The following ZDHHC2 variants were observed in gnomAD, a reference collection of about 807,000 sequenced individuals.
The protein encoded by ZDHHC2 is zDHHC palmitoyltransferase 2.
A neutral mutation model predicts 55.6 loss-of-function variants in ZDHHC2; 51 were observed. The ratio of observed to expected loss-of-function variants is 0.92; its 90% CI spans 0.73 to 1.16. The LOEUF is 1.16. Among genes scored for constraint, ZDHHC2 ranks in the 50% most tolerant of loss-of-function variants. ZDHHC2 has a pLI of 0.00. For synonymous variants in ZDHHC2, 199 were observed against 152.9 expected (o/e 1.30, Z -2.22); for missense variants, 491 against 442.4 (o/e 1.11, Z -0.99).
chr8:17,196,332 C>T (rs969260018), intron 4 of ZDHHC2, among the ~76,000 whole-genome samples: 1 of 152,044 alleles, frequency 6.6e-6, no homozygotes, highest in Non-Finnish European at 1.5e-5. Flanking sequence ...TTCAAACTGA[C>T]ATGTGCTCTA....
chr8:17,215,699 AG>A (rs1350685802), intron 11 of ZDHHC2, among the ~76,000 whole-genome samples: 1 of 152,216 alleles, frequency 6.6e-6, no homozygotes, highest in African/African-American at 2.4e-5. Flanking sequence ...TCTACTGAAA[AG>A]GACCTTAAAT....
intron 1 of ZDHHC2, among the ~76,000 whole-genome samples, chr8:17,184,495 C>G (rs1805604870): frequency 6.6e-6 from 1 of 152,186 alleles, no homozygotes; most frequent in Non-Finnish European, 1.5e-5. Context: ...ACCAGTCAAC[C>G]AAATGATACA....
chr8:17,165,903 T>G (rs895288969), intron 1 of ZDHHC2, among the ~76,000 whole-genome samples: 2 of 152,192 alleles, frequency 1.3e-5, no homozygotes, highest in Non-Finnish European at 1.5e-5. Context: ...CAGGGGAGTT[T>G]GATTTACAAG....
chr8:17,158,797 CAATGCCTGTCTGCCTGGCGT>C (rs546477069), intron 1 of ZDHHC2, among the ~76,000 whole-genome samples: 1,801 of 152,202 alleles, frequency 0.012, 42 homozygotes, highest in African/African-American at 0.041. Context: ...CTGCCTGGCG[CAATGCCTGTCTGCCTGGCGT>C]AATGCCTGTC....
rs1806267817 is a variant in ZDHHC2 at position 17,195,622 on chromosome 8, G to A, written c.371G>A (p.Gly124Glu). 2.5e-6 allele frequency: 4 copies of A among 1,613,728 alleles called. No homozygotes were observed. The highest frequency in any genetic ancestry group is 3.4e-6 in the Non-Finnish European group (4 of 1,179,712). The change falls in exon 4 of 13, where the codon GGA becomes GAA. Residue 124 changes from glycine to glutamate, a missense_variant and splice_region_variant. Coordinates refer to ENST00000262096, the MANE Select transcript of ZDHHC2 (RefSeq NM_016353.5). ...DLPIYTRTMS[G>E]AIRYCDRCQL... ...CCCATCTATACCAGGACCATGTCTG[G>A]AGGTAAATGTTGATAATGAGTGCTT...
intron 2 of ZDHHC2, among the ~76,000 whole-genome samples, chr8:17,185,584 T>C (rs1429785649): frequency 6.6e-6 from 1 of 152,006 alleles, no homozygotes; most frequent in Non-Finnish European, 1.5e-5. Context: ...GTAGGAGGAT[T>C]GCTTGAGCCC....
At chr8:17,157,898 A>G (rs1470206080) in intron 1 of ZDHHC2, among the ~76,000 whole-genome samples, 1 of 152,210 alleles carries the variant, frequency 6.6e-6, no homozygotes, top group Non-Finnish European at 1.5e-5. Flanking sequence ...AGCATTTTCA[A>G]AGCCTCAAGA....
chr8:17,209,240 C>G (rs751029723), intron 8 of ZDHHC2, among the ~76,000 whole-genome samples: 7 of 152,128 alleles, frequency 4.6e-5, no homozygotes, highest in Non-Finnish European at 1.0e-4. Context: ...ATACATGGTT[C>G]TGGACTGGAT....
intron 3 of ZDHHC2, among the ~76,000 whole-genome samples, chr8:17,192,846 G>C (rs1235420364): frequency 1.3e-5 from 2 of 152,198 alleles, no homozygotes; most frequent in Non-Finnish European, 2.9e-5. Flanking sequence ...TGGATATCTA[G>C]TTTCCCCAGC....
intron 6 of ZDHHC2, among the ~76,000 whole-genome samples, chr8:17,203,933 G>A (rs934865797): frequency 1.3e-5 from 2 of 150,772 alleles, no homozygotes; most frequent in East Asian, 2.0e-4. Context: ...TCGGCCTCCC[G>A]AGTATCTGGG....
At chr8:17,157,725 G>T (rs920562233) in intron 1 of ZDHHC2, among the ~76,000 whole-genome samples, 1 of 152,228 alleles carries the variant, frequency 6.6e-6, no homozygotes, top group African/African-American at 2.4e-5. Flanking sequence ...AGAAAAAGAT[G>T]TTAAAACAGA....
At chr8:17,173,861 G>C (rs1050516293) in intron 1 of ZDHHC2, among the ~76,000 whole-genome samples, 1 of 152,034 alleles carries the variant, frequency 6.6e-6, no homozygotes, top group Non-Finnish European at 1.5e-5. Context: ...AATTTATTTG[G>C]AGAAAGGGTC....
chr8:17,160,398 G>A (rs894357505), intron 1 of ZDHHC2, among the ~76,000 whole-genome samples: 1 of 152,170 alleles, frequency 6.6e-6, no homozygotes, highest in African/African-American at 2.4e-5. Context: ...TTTTAGTTAC[G>A]TCATTTTAAA....
chr8:17,202,546 G>A (rs889521688), intron 6 of ZDHHC2, among the ~76,000 whole-genome samples: 2 of 152,082 alleles, frequency 1.3e-5, no homozygotes, highest in Non-Finnish European at 2.9e-5. Flanking sequence ...AACGTGTTTT[G>A]TTTCTCCATA....
Position 17,223,074 on chromosome 8 carries a change from C to G in ZDHHC2, c.*2853C>G, listed in dbSNP as rs1054366366. On this transcript the variant is annotated 3_prime_UTR_variant, in exon 13 of 13. Coordinates refer to ENST00000262096, the MANE Select transcript of ZDHHC2 (RefSeq NM_016353.5). ...AAATTAGGCACGCAATCATGTGATT[C>G]ATGCTTCAAGAAAATATATGAAAAA... The G allele has an allele frequency of 6.6e-6, 1 of 151,828 alleles. No individual in the cohort carries two copies. Among genetic ancestry groups the G allele is most frequent in the Non-Finnish European group, 1.5e-5 (1 of 67,800 alleles). The allele number at this position is 151,828 out of a possible 1,614,324, so 9.4% of individuals were successfully genotyped here.
intron 2 of ZDHHC2, among the ~76,000 whole-genome samples, chr8:17,186,129 A>G (rs184158752): frequency 2.6e-5 from 4 of 152,322 alleles, no homozygotes; most frequent in Admixed American, 2.6e-4. Flanking sequence ...CTCATTATGC[A>G]TTTAGGAATT....
intron 12 of ZDHHC2, among the ~76,000 whole-genome samples, chr8:17,219,050 G>C (rs1271793411): frequency 6.6e-6 from 1 of 151,656 alleles, no homozygotes; most frequent in East Asian, 2.0e-4. Flanking sequence ...AGGAGCTCAA[G>C]ACCAGCCTAA....
At chr8:17,210,284 G>A (rs1282029154) in intron 9 of ZDHHC2, 104 bp from the exon 10 acceptor site, 3 of 1,202,556 alleles carry the variant, frequency 2.5e-6, no homozygotes, top group Non-Finnish European at 3.5e-6. Flanking sequence ...CATTTTTTTT[G>A]CCTAGAGTAT....
At chr8:17,214,589 GC>G (rs1353495982) in intron 10 of ZDHHC2, among the ~76,000 whole-genome samples, 1 of 151,936 alleles carries the variant, frequency 6.6e-6, no homozygotes, top group East Asian at 1.9e-4. Context: ...TGAGAAACTC[GC>G]GTAACTTTCT....
Sources: allele counts gnomAD v4.1 joint callset (sites outside exome capture counted in the v4.1 genomes callset), GRCh38; gene constraint gnomAD v4.1.1; transcripts MANE v1.5; gene names NCBI Gene and HGNC (gene_info 2026-07-23, HGNC 2026-07-21).